The following CFAP418 variants were observed in gnomAD, a reference collection of about 807,000 sequenced individuals.
CFAP418 encodes cilia and flagella associated protein 418.
CFAP418 carries 27 observed loss-of-function variants against 24.7 expected under a neutral mutation model. The ratio of observed to expected loss-of-function variants is 1.09; its 90% CI spans 0.81 to 1.51. The LOEUF is 1.51. Ranked by LOEUF, CFAP418 falls within the 40% of genes most tolerant of loss-of-function variation. CFAP418 has a pLI of 0.00. For synonymous variants in CFAP418, 74 were observed against 87.3 expected, an observed-to-expected ratio of 0.85 and a Z score of 0.85; for missense variants, 257 against 255.2, an observed-to-expected ratio of 1.01 and a Z score of -0.05.
chr8:95,268,812 T>C (rs1213066038), intron 1 of CFAP418: 10 of 366,594 alleles, frequency 2.7e-5, no homozygotes, highest in South Asian at 1.0e-4. Context: ...CTCTGGGGCA[T>C]GCCGGGGGGC....
intron 1 of CFAP418, among the ~76,000 whole-genome samples, chr8:95,264,745 A>ATG (rs2132165230): frequency 6.6e-6 from 1 of 152,330 alleles, no homozygotes; most frequent in East Asian, 1.9e-4. Flanking sequence ...GGCCTTCTTC[A>ATG]TTACATCTTG....
chr8:95,258,975 A>G (rs1490781430), intron 4 of CFAP418, among the ~76,000 whole-genome samples: 1 of 152,228 alleles, frequency 6.6e-6, no homozygotes, highest in Admixed American at 6.5e-5. Context: ...TGAGGAAGTC[A>G]TAATGACTTA....
chr8:95,256,475 A>G (rs1379562470), intron 4 of CFAP418, among the ~76,000 whole-genome samples: 1 of 152,204 alleles, frequency 6.6e-6, no homozygotes, highest in African/African-American at 2.4e-5. Context: ...TCTCCATGAA[A>G]TATGTTTAGT....
chr8:95,262,114 G>A (rs1587356364), intron 2 of CFAP418, among the ~76,000 whole-genome samples: 1 of 152,214 alleles, frequency 6.6e-6, no homozygotes, highest in African/African-American at 2.4e-5. Flanking sequence ...TGTGGCATGC[G>A]AAACCCCACG....
At position 95,263,675 on chromosome 8, in the gene CFAP418, CACTTG is replaced by C; in HGVS notation, c.243+7_243+11del. 1 of 1,524,514 alleles carries C rather than the reference CACTTG, an allele frequency of 6.6e-7. No homozygotes were observed. The highest frequency in any genetic ancestry group is 2.3e-5 in the East Asian group (1 of 44,272). The allele number at this position is 1,524,514 out of a possible 1,614,324, so 94.4% of individuals were successfully genotyped here. ...TGACAGAATTACTACATATTTATAA[CACTTG>C]ACTTACAGAGGGTTTTTTGTCCAAG... On this transcript the variant is annotated splice_region_variant and intron_variant, in intron 2 of 5. Coordinates refer to ENST00000286688, the MANE Select transcript of CFAP418 (RefSeq NM_177965.4).
chr8:95,263,856 G>A, intron 1 of CFAP418, 82 bp from the exon 2 acceptor site: 2 of 778,772 alleles, frequency 2.6e-6, no homozygotes, highest in Non-Finnish European at 4.3e-6. Context: ...TTTGCTTAAA[G>A]TCCATTATTA....
chr8:95,268,913 C>G (rs1332821196), intron 1 of CFAP418, 122 bp downstream of exon 1: 3 of 1,105,270 alleles, frequency 2.7e-6, no homozygotes, highest in African/African-American at 3.1e-5. Flanking sequence ...GGGTCTGAAC[C>G]CTGATGCAAG....
At chr8:95,252,352 A>T in intron 4 of CFAP418, 69 bp from the exon 5 acceptor site, 1 of 979,912 alleles carries the variant, frequency 1.0e-6, no homozygotes, top group Non-Finnish European at 1.6e-6. Flanking sequence ...AAACATGGTG[A>T]TTTATTTATA....
chr8:95,259,885 C>T lies in CFAP418; in HGVS notation c.329G>A (p.Gly110Asp), dbSNP rs779554071. ...AATCCCACATGGAATAGAGCTTCCACCAAGGTACACCGGACTGCAACTAGA... is the reference window on the plus strand; with the variant it reads ...AATCCCACATGGAATAGAGCTTCCATCAAGGTACACCGGACTGCAACTAGA... ...LGKSCSPVYL[G>D]GSSIPCGIGT... is the part of the protein sequence containing the mutation. The change falls in exon 4 of 6, where the codon GGT (glycine) becomes GAT (aspartate). Residue 110 changes from glycine (G) to aspartate (D), a missense_variant. Coordinates refer to ENST00000286688, the MANE Select transcript of CFAP418 (RefSeq NM_177965.4). The T allele has an allele frequency of 6.2e-7, 1 of 1,607,960 alleles. No homozygotes were observed. The highest frequency in any genetic ancestry group is 1.3e-5 in the African/African-American group (1 of 74,336).
In CFAP418 at chr8:95,245,222, AAC is replaced by A. The variant is rs1486704567; in HGVS notation, c.*2393_*2394del. On this transcript the variant is annotated 3_prime_UTR_variant, in exon 6 of 6. Transcript: ENST00000286688. ...TAGTTTCATTTTCAGCTTAAATTAC[AAC>A]AGTTAATAATTTATCTGACTGTATA... 4 of 152,198 alleles carry A rather than the reference AAC, an allele frequency of 2.6e-5. No individual in the cohort carries two copies. The highest frequency in any genetic ancestry group is 9.7e-5 in the African/African-American group (4 of 41,450). The allele number at this position is 152,198 out of a possible 1,614,324, so 9.4% of individuals were successfully genotyped here. A position where few individuals can be genotyped will look rare whatever the true frequency, so the allele number is the denominator to read the frequency against.
chr8:95,250,164 A>T (rs1006331418), intron 5 of CFAP418, among the ~76,000 whole-genome samples: 4 of 152,170 alleles, frequency 2.6e-5, no homozygotes, highest in African/African-American at 9.7e-5. Flanking sequence ...AAATAAATCT[A>T]TCAGTGATTT....
At chr8:95,267,384 G>A (rs1036586658) in intron 1 of CFAP418, among the ~76,000 whole-genome samples, 1 of 152,104 alleles carries the variant, frequency 6.6e-6, no homozygotes. Context: ...GGTGGATCAC[G>A]AGGTCAGGAG....
intron 4 of CFAP418, among the ~76,000 whole-genome samples, chr8:95,254,243 C>G (rs1811752978): frequency 6.6e-6 from 1 of 152,178 alleles, no homozygotes. Flanking sequence ...TTACTGCCAC[C>G]ATGCTTCCTA....
At chr8:95,259,742 A>C (rs537229438) in intron 4 of CFAP418, 98 bp downstream of exon 4, 1 of 887,270 alleles carries the variant, frequency 1.1e-6, no homozygotes, top group East Asian at 2.6e-5. Context: ...TCTCCTTATA[A>C]AACAGATTGA....
chr8:95,251,811 C>A (rs987576635), intron 5 of CFAP418, among the ~76,000 whole-genome samples: 3 of 152,090 alleles, frequency 2.0e-5, no homozygotes, highest in Admixed American at 6.5e-5. Flanking sequence ...TTTATACAAA[C>A]CTAGATGGTA....
chr8:95,251,789 T>C (rs1811713504), intron 5 of CFAP418, among the ~76,000 whole-genome samples: 1 of 152,156 alleles, frequency 6.6e-6, no homozygotes, highest in Non-Finnish European at 1.5e-5. Context: ...TGTGGGAATA[T>C]CAAAGAGTGA....
intron 4 of CFAP418, among the ~76,000 whole-genome samples, chr8:95,252,971 C>G (rs957220814): frequency 6.6e-6 from 1 of 152,068 alleles, no homozygotes; most frequent in African/African-American, 2.4e-5. Context: ...TAAAAACGAC[C>G]CCCACAAAAA....
Position 95,247,207 on chromosome 8 carries a change from C to T in CFAP418, c.*410G>A. The T allele has an allele frequency of 5.6e-6, 1 of 177,576 alleles. No individual in the cohort carries two copies. The highest frequency in any genetic ancestry group is 1.2e-5 in the Non-Finnish European group (1 of 82,690). 11.0% of individuals were successfully genotyped at this position (177,576 alleles called of 1,614,324 possible). On this transcript the variant is annotated 3_prime_UTR_variant, in exon 6 of 6. Coordinates refer to ENST00000286688, the MANE Select transcript of CFAP418 (RefSeq NM_177965.4). ...CTGACTGGAAGAAGTGTTGTAGACA[C>T]CCCTAAATGATCTCTTTGCCCTGGC...
chr8:95,262,113 C>T (rs1379117555), intron 2 of CFAP418, among the ~76,000 whole-genome samples: 2 of 152,098 alleles, frequency 1.3e-5, no homozygotes, highest in Admixed American at 6.5e-5. Context: ...TTGTGGCATG[C>T]GAAACCCCAC....
Sources: gnomAD v4.1 joint callset for allele counts (sites outside exome capture counted in the v4.1 genomes callset) on GRCh38, gnomAD v4.1.1 for gene constraint, MANE v1.5 for transcripts, NCBI Gene and HGNC (gene_info 2026-07-23, HGNC 2026-07-21) for gene names.